Variants in TMEM178B observed in about 807,000 individuals in gnomAD.
TMEM178B encodes transmembrane protein 178B.
TMEM178B carries 5 observed loss-of-function variants against 31.0 expected under a neutral mutation model. The ratio of observed to expected loss-of-function variants is 0.16; its 90% CI spans 0.08 to 0.34. The LOEUF (loss-of-function observed/expected upper bound fraction) is 0.34, where lower values mean the gene tolerates loss of function less well. TMEM178B is among the 10% of genes least tolerant of loss of function. The probability of loss-of-function intolerance (pLI) is 1.00; values close to 1 mark genes in which losing one functional copy is unlikely to be tolerated. For synonymous variants in TMEM178B, 164 were observed against 164.0 expected (o/e 1.00, Z 0.00); for missense variants, 275 against 400.3 (o/e 0.69, Z 2.67).
chr7:141,246,637 G>A (rs1797734422), intron 2 of TMEM178B, among the ~76,000 whole-genome samples: 1 of 152,122 alleles, frequency 6.6e-6, no homozygotes, highest in African/African-American at 2.4e-5. Flanking sequence ...AGTTAAAACT[G>A]GAAAAAATTT....
intron 2 of TMEM178B, among the ~76,000 whole-genome samples, chr7:141,306,213 A>G (rs1798813602): frequency 6.6e-6 from 1 of 152,200 alleles, no homozygotes; most frequent in African/African-American, 2.4e-5. Context: ...CAAATCAGAA[A>G]GAATGAAGAT....
intron 2 of TMEM178B, among the ~76,000 whole-genome samples, chr7:141,394,692 A>G (rs978069661): frequency 7.2e-5 from 11 of 152,224 alleles, no homozygotes; most frequent in African/African-American, 2.7e-4. Context: ...ACCAGTGTTC[A>G]TGTGGATCTA....
chr7:141,233,177 C>G (rs751409718), intron 2 of TMEM178B, among the ~76,000 whole-genome samples: 1 of 152,224 alleles, frequency 6.6e-6, no homozygotes, highest in Non-Finnish European at 1.5e-5. Flanking sequence ...ATTTAAGTTA[C>G]AATTATTCAC....
At chr7:141,166,640 C>T (rs1008126550) in intron 1 of TMEM178B, among the ~76,000 whole-genome samples, 28 of 152,310 alleles carry the variant, frequency 1.8e-4, no homozygotes, top group African/African-American at 6.7e-4. Flanking sequence ...CCCACAGGAA[C>T]GTCCCAGAAC....
chr7:141,406,566 A>G (rs1381557156), intron 2 of TMEM178B, among the ~76,000 whole-genome samples: 2 of 152,234 alleles, frequency 1.3e-5, no homozygotes, highest in Non-Finnish European at 2.9e-5. Context: ...CACAATTACT[A>G]TGCATATATG....
At chr7:141,152,204 C>T (rs908150071) in intron 1 of TMEM178B, among the ~76,000 whole-genome samples, 12 of 152,204 alleles carry the variant, frequency 7.9e-5, no homozygotes, top group African/African-American at 2.9e-4. Flanking sequence ...CTGAGCCCCA[C>T]ACTAGGAGGC....
intron 1 of TMEM178B, among the ~76,000 whole-genome samples, chr7:141,184,144 A>G (rs1055973490): frequency 6.6e-6 from 1 of 152,228 alleles, no homozygotes; most frequent in African/African-American, 2.4e-5. Flanking sequence ...ATTGGTTTTA[A>G]AGCTTGAGGA....
chr7:141,230,827 A>T (rs1295746699), intron 2 of TMEM178B, among the ~76,000 whole-genome samples: 1 of 151,990 alleles, frequency 6.6e-6, no homozygotes, highest in East Asian at 1.9e-4. Flanking sequence ...TTTTTTGTAG[A>T]TTACAAGACA....
intron 2 of TMEM178B, among the ~76,000 whole-genome samples, chr7:141,399,887 T>C (rs1800729549): frequency 6.6e-6 from 1 of 152,172 alleles, no homozygotes; most frequent in Admixed American, 6.5e-5. Flanking sequence ...GCTCCTCCCT[T>C]TCTTCCTTCC....
the TMEM178B span, among the ~76,000 whole-genome samples, chr7:141,490,713 C>T: frequency 6.6e-6 from 1 of 152,212 alleles, no homozygotes; most frequent in Non-Finnish European, 1.5e-5. Context: ...AGAAGCTTTC[C>T]CTTTTATGGA....
At chr7:141,229,241 T>C (rs1342625632) in intron 2 of TMEM178B, among the ~76,000 whole-genome samples, 1 of 151,948 alleles carries the variant, frequency 6.6e-6, no homozygotes, top group African/African-American at 2.4e-5. Flanking sequence ...TGGACTCAGG[T>C]CAAGATTTTT....
Position 141,074,686 on chromosome 7 carries a change from C to A in TMEM178B, c.376C>A (p.Arg126=). The A allele has an allele frequency of 6.7e-7, 1 of 1,501,172 alleles. No homozygotes were observed. Among genetic ancestry groups the A allele is most frequent in the South Asian group, 1.3e-5 (1 of 79,510 alleles). The allele number at this position is 1,501,172 out of a possible 1,614,324, so 93.0% of individuals were successfully genotyped here. A position where few individuals can be genotyped will look rare whatever the true frequency, so the allele number is the denominator to read the frequency against. The part of the protein sequence containing the change: ...GFDPEIAALI[R]KGEIERCTYI... ...CGACCCCGAGATCGCCGCCCTCATT[C>A]GGAAAGGTAAGCGCCGGGCGCAAGG... The change falls in exon 1 of 4, where the codon CGG becomes AGG. Residue 126 remains arginine, a synonymous_variant. Coordinates refer to ENST00000565468, the MANE Select transcript of TMEM178B (RefSeq NM_001195278.2). This position sits in a 1 kb window ranked among gnomAD's most constrained non-coding sequence, Gnocchi z 5.1.
At chr7:141,413,286 C>G (rs572314291) in intron 2 of TMEM178B, among the ~76,000 whole-genome samples, 1 of 152,066 alleles carries the variant, frequency 6.6e-6, no homozygotes, top group African/African-American at 2.4e-5. Flanking sequence ...TTTTCTTCCC[C>G]CAATCCCAAC....
At chr7:141,357,878 A>G (rs775201969) in intron 2 of TMEM178B, among the ~76,000 whole-genome samples, 1 of 152,230 alleles carries the variant, frequency 6.6e-6, no homozygotes, top group Admixed American at 6.5e-5. Context: ...GAAGGCATTC[A>G]TAAGAACACT....
chr7:141,504,718 G>T, the TMEM178B span, among the ~76,000 whole-genome samples: 1 of 152,260 alleles, frequency 6.6e-6, no homozygotes, highest in South Asian at 2.1e-4. Context: ...ATAGCTTTTG[G>T]GGTACAAGTG....
At chr7:141,419,836 TAACAG>T (rs1216499187) in intron 2 of TMEM178B, among the ~76,000 whole-genome samples, 3 of 152,232 alleles carry the variant, frequency 2.0e-5, no homozygotes, top group African/African-American at 7.2e-5. Context: ...TCTTTGTTTC[TAACAG>T]ATCACTACGA....
At chr7:141,392,451 C>T (rs1381585889) in intron 2 of TMEM178B, among the ~76,000 whole-genome samples, 1 of 152,154 alleles carries the variant, frequency 6.6e-6, no homozygotes, top group Non-Finnish European at 1.5e-5. Context: ...GCCTACCTAT[C>T]AAAAAGTTTG....
At chr7:141,116,553 C>T (rs764299931) in intron 1 of TMEM178B, among the ~76,000 whole-genome samples, 1 of 151,698 alleles carries the variant, frequency 6.6e-6, no homozygotes, top group South Asian at 2.1e-4. Context: ...TTCTGGGATA[C>T]ATGTGCAGAA....
At chr7:141,484,888 A>G (rs1017242021), downstream of TMEM178B, among the ~76,000 whole-genome samples, 3 of 152,100 alleles carry the variant, frequency 2.0e-5, no homozygotes, top group African/African-American at 7.2e-5. The surrounding 1 kb of genome is among the most constrained non-coding windows in gnomAD (Gnocchi z 4.8). Flanking sequence ...AATAATGATC[A>G]CATAGGACTT....
Sources: allele counts gnomAD v4.1 joint callset (sites outside exome capture counted in the v4.1 genomes callset), GRCh38; gene constraint gnomAD v4.1.1; non-coding constraint Gnocchi (gnomAD v3.1); transcripts MANE v1.5; gene names NCBI Gene and HGNC (gene_info 2026-07-23, HGNC 2026-07-21).